The following FREM3 variants were observed in gnomAD, a reference collection of about 807,000 sequenced individuals.
FREM3 encodes the protein FRAS1 related extracellular matrix 3.
Under a neutral mutation model 129.1 loss-of-function variants are expected in FREM3, and 105 were observed. The ratio of observed to expected loss-of-function variants is 0.81; its 90% CI spans 0.69 to 0.96. FREM3 has a LOEUF of 0.96. Ranked by LOEUF, FREM3 falls within the 40% of genes least tolerant of loss-of-function variation. The probability of loss-of-function intolerance (pLI) is 0.00; values close to 1 mark genes in which losing one functional copy is unlikely to be tolerated. For synonymous variants in FREM3, 1,014 were observed against 1,044.9 expected, an observed-to-expected ratio of 0.97 and a Z score of 0.57; for missense variants, 2,593 against 2,666.3, an observed-to-expected ratio of 0.97 and a Z score of 0.61.
intron 2 of FREM3, among the ~76,000 whole-genome samples, chr4:143,689,434 G>T (rs186268947): frequency 6.6e-6 from 1 of 152,112 alleles, no homozygotes; most frequent in African/African-American, 2.4e-5. Flanking sequence ...CTACACTGCC[G>T]GTGGGAATGT....
chr4:143,648,061 C>G (rs1739449653), intron 2 of FREM3, among the ~76,000 whole-genome samples: 1 of 152,250 alleles, frequency 6.6e-6, no homozygotes, highest in African/African-American at 2.4e-5. Flanking sequence ...CCTCGTGCAT[C>G]AGCATGACCT....
Position 143,699,289 on chromosome 4 carries a change from C to G in FREM3, c.1387G>C (p.Asp463His). 2 of 1,537,366 alleles carry G rather than the reference C, an allele frequency of 1.3e-6. No individual in the cohort carries two copies. Among genetic ancestry groups the G allele is most frequent in the Non-Finnish European group, 1.7e-6 (2 of 1,146,944 alleles). The change falls in exon 1 of 8, where the codon GAT (aspartate) becomes CAT (histidine). Residue 463 changes from aspartate to histidine, a missense_variant. By Grantham distance (81) the Asp-to-His change is moderately conservative (BLOSUM62 -1). This residue lies in a region of FREM3 where 2,276 missense variants were observed against 2,267.2 expected (regional missense o/e 1.00). Coordinates refer to ENST00000329798, the MANE Select transcript of FREM3 (RefSeq NM_001168235.2). This position sits in a 1 kb window ranked among gnomAD's most constrained non-coding sequence, Gnocchi z 4.2. ...STHSIPISDK[D>H]NLEEVKMAAV... Reference sequence around the variant, plus strand: ...GCCATTTTCACCTCTTCCAGGTTATCTTTATCACTGATAGGAATGCTGTGG... The same window carrying G: ...GCCATTTTCACCTCTTCCAGGTTATGTTTATCACTGATAGGAATGCTGTGG...
At chr4:143,638,799 A>C (rs1266365643) in intron 2 of FREM3, among the ~76,000 whole-genome samples, 3 of 152,054 alleles carry the variant, frequency 2.0e-5, no homozygotes, top group South Asian at 2.1e-4. Context: ...GAGTATTGTG[A>C]CTCTGCGTAG....
chr4:143,673,048 T>C (rs942674845), intron 2 of FREM3, among the ~76,000 whole-genome samples: 2 of 152,232 alleles, frequency 1.3e-5, no homozygotes, highest in Non-Finnish European at 2.9e-5. Context: ...CTTCCTCCTT[T>C]AGCTCGGAGA....
chr4:143,694,161 A>T (rs763154982), intron 1 of FREM3, among the ~76,000 whole-genome samples: 1 of 152,180 alleles, frequency 6.6e-6, no homozygotes, highest in Non-Finnish European at 1.5e-5. Flanking sequence ...AAAAGTTAAG[A>T]AACCCTGACT....
chr4:143,696,360 CCTT>C lies in FREM3; in HGVS notation c.4313_4315del (p.Glu1438del), dbSNP rs1453398878. 6.5e-7 allele frequency: 1 copy of C among 1,537,370 alleles called. No individual in the cohort carries two copies. The highest frequency in any genetic ancestry group is 8.7e-7 in the Non-Finnish European group (1 of 1,146,958). On this transcript the variant is annotated inframe_deletion, in exon 1 of 8. Coordinates refer to ENST00000329798, the MANE Select transcript of FREM3 (RefSeq NM_001168235.2). ...ATTGTTGGTAAGGGTCACTCTGGCA[CCTT>C]CTATCAAGGTGATCCTTTTGCTGAT...
chr4:143,694,348 T>C (rs552216829), intron 1 of FREM3, among the ~76,000 whole-genome samples: 1 of 152,264 alleles, frequency 6.6e-6, no homozygotes, highest in Admixed American at 6.5e-5. Context: ...ATGAACTACT[T>C]GTCAAAATGA....
rs1240663582 is a variant in FREM3 at position 143,584,237 on chromosome 4, G to A, written c.6178+1607C>T. Among the ~76,000 whole-genome samples the A allele has an allele frequency of 2.0e-5, 3 of 152,124 alleles. No individual in the cohort carries two copies. In the East Asian group the frequency reaches 5.8e-4, roughly 29 times the overall value. ...ATCCTGGCTAACAAGGTGAAACCCT[G>A]TCTCTACTAAAAATACAAAAAATTA... On this transcript the variant is annotated intron_variant, in intron 7 of 7. Coordinates refer to ENST00000329798, the MANE Select transcript of FREM3 (RefSeq NM_001168235.2).
At chr4:143,688,989 C>T (rs1740418064) in intron 2 of FREM3, among the ~76,000 whole-genome samples, 1 of 152,032 alleles carries the variant, frequency 6.6e-6, no homozygotes, top group Non-Finnish European at 1.5e-5. Context: ...GATCAAGATC[C>T]CAAAAGGAAA....
intron 2 of FREM3, among the ~76,000 whole-genome samples, chr4:143,664,196 T>C (rs1472310963): frequency 6.6e-6 from 1 of 152,126 alleles, no homozygotes; most frequent in Non-Finnish European, 1.5e-5. Flanking sequence ...CTGCTCTGTT[T>C]TTTCCCCATC....
In FREM3 at chr4:143,682,348, GTTGAGTCCTGGTTTGTAACTTTGTAAC is replaced by G. The variant is rs1740268730; in HGVS notation, c.5275+10738_5275+10764del. On this transcript the variant is annotated intron_variant, in intron 2 of 7. Transcript: ENST00000329798. ...TCCGCAACAAATCATAATGAGTGCG[GTTGAGTCCTGGTTTGTAACTTTGTAAC>G]TTCACTCCCCGCACTGAATGGCTGC... Among the ~76,000 whole-genome samples the G allele has an allele frequency of 2.0e-5, 3 of 152,318 alleles. No homozygotes were observed. The South Asian group carries it at 6.2e-4, about 32-fold the overall frequency.
At chr4:143,666,550 C>A (rs910470052) in intron 2 of FREM3, among the ~76,000 whole-genome samples, 1 of 151,958 alleles carries the variant, frequency 6.6e-6, no homozygotes, top group Non-Finnish European at 1.5e-5. Flanking sequence ...TATTATTCAG[C>A]GTAAAACAAA....
chr4:143,659,935 T>A (rs1254973995), intron 2 of FREM3, among the ~76,000 whole-genome samples: 1 of 151,714 alleles, frequency 6.6e-6, no homozygotes, highest in Non-Finnish European at 1.5e-5. Flanking sequence ...GGTTGTTTGT[T>A]TTTTTCTTGT....
At chr4:143,653,978 G>A (rs1009385995) in intron 2 of FREM3, among the ~76,000 whole-genome samples, 2 of 152,170 alleles carry the variant, frequency 1.3e-5, no homozygotes, top group Non-Finnish European at 2.9e-5. Context: ...TCAGTAGGAG[G>A]TTCATAAAGT....
Position 143,585,895 on chromosome 4 carries a change from G to C in FREM3, c.6127C>G (p.Pro2043Ala), listed in dbSNP as rs1444001844. ...CTGGAGCGCACGGCGATGGATGATG[G>C]TTGGGAAAGATCAGTGCCTCTTCTC... Reference protein sequence around the residue: ...VWRRGTDLSQPSSIAVRSRKS... With the variant: ...VWRRGTDLSQASSIAVRSRKS... Residue 2043 changes from proline (P) to alanine (A), a missense_variant, in exon 7 of 8, where the codon CCA becomes GCA. Physicochemically the swap from Pro to Ala is conservative, Grantham distance 27. This residue lies in a region of FREM3 where 317 missense variants were observed against 399.0 expected (regional missense o/e 0.79). Transcript: ENST00000329798. This position sits in a 1 kb window ranked among gnomAD's most constrained non-coding sequence, Gnocchi z 4.2. 10 of 1,537,366 alleles carry C rather than the reference G, an allele frequency of 6.5e-6. No homozygotes were observed. The highest frequency in any genetic ancestry group is 7.8e-6 in the Non-Finnish European group (9 of 1,146,952).
chr4:143,633,506 A>G (rs1739177525), intron 2 of FREM3, among the ~76,000 whole-genome samples: 1 of 152,168 alleles, frequency 6.6e-6, no homozygotes, highest in African/African-American at 2.4e-5. Context: ...AACAATGAAA[A>G]CAACAAAATC....
chr4:143,665,714 G>A (rs918722653), intron 2 of FREM3, among the ~76,000 whole-genome samples: 3 of 152,036 alleles, frequency 2.0e-5, no homozygotes, highest in Non-Finnish European at 2.9e-5. Context: ...ATTGAATACA[G>A]TTCTATGCAA....
intron 4 of FREM3, among the ~76,000 whole-genome samples, chr4:143,623,503 C>A (rs562227688): frequency 2.9e-5 from 4 of 138,234 alleles, no homozygotes; most frequent in Non-Finnish European, 4.9e-5. Context: ...TCCCCCCCCC[C>A]CCCCACCATT....
intron 2 of FREM3, among the ~76,000 whole-genome samples, chr4:143,663,340 T>A (rs1739780662): frequency 6.6e-6 from 1 of 152,136 alleles, no homozygotes; most frequent in Admixed American, 6.6e-5. Context: ...CCTTCACTTA[T>A]GAAGCTTAGT....
Sources: allele counts gnomAD v4.1 joint callset (sites outside exome capture counted in the v4.1 genomes callset), GRCh38; gene constraint gnomAD v4.1.1; regional missense constraint gnomAD v4.1.1; non-coding constraint Gnocchi (gnomAD v3.1); transcripts MANE v1.5; gene names NCBI Gene and HGNC (gene_info 2026-07-23, HGNC 2026-07-21).